Variants in SYTL5 observed in about 807,000 individuals in gnomAD.
SYTL5 encodes synaptotagmin-like protein 5.
Under a neutral mutation model 55.9 loss-of-function variants are expected in SYTL5, and 34 were observed. That is an observed-to-expected ratio of 0.61 (90% CI 0.46 to 0.81). SYTL5 has a LOEUF of 0.81. Ranked by LOEUF, SYTL5 falls within the 30% of genes least tolerant of loss-of-function variation. The pLI is 0.00. For missense variants in SYTL5, 637 were observed against 546.7 expected (o/e 1.17, Z -1.65); for synonymous variants, 221 against 188.7 (o/e 1.17, Z -1.40).
chrX:38,082,070 T>C (rs1488984156), intron 6 of SYTL5, among the ~76,000 whole-genome samples: 1 of 112,058 alleles, frequency 8.9e-6, no homozygotes, highest in African/African-American at 3.2e-5. Context: ...TTCTGTTTAC[T>C]TTATATTATG....
chrX:37,911,641 C>T, the SYTL5 span, among the ~76,000 whole-genome samples: 1 of 111,499 alleles, frequency 9.0e-6, no homozygotes, highest in African/African-American at 3.3e-5. Context: ...CTACACGAGA[C>T]CAACAGTGAG....
chrX:38,088,274 C>T (rs1936705678), intron 6 of SYTL5, among the ~76,000 whole-genome samples: 1 of 111,760 alleles, frequency 8.9e-6, no homozygotes, highest in Admixed American at 9.5e-5. Context: ...AAAAATATTC[C>T]TTTATTCTAT....
chrX:37,981,383 C>T, the SYTL5 span, among the ~76,000 whole-genome samples: 9 of 111,232 alleles, frequency 8.1e-5, no homozygotes, highest in Non-Finnish European at 1.1e-4. Flanking sequence ...GCAGCCTCAA[C>T]CTCCTGGGCC....
chrX:38,106,874 C>A, intron 11 of SYTL5, 103 bp downstream of exon 11: 1 of 684,966 alleles, frequency 1.5e-6, no homozygotes, highest in Non-Finnish European at 2.0e-6. Context: ...TTGATTCAGT[C>A]TTCTCAGAGA....
At chrX:38,050,452 T>G (rs1935591289) in intron 2 of SYTL5, among the ~76,000 whole-genome samples, 1 of 111,860 alleles carries the variant, frequency 8.9e-6, no homozygotes, top group Non-Finnish European at 1.9e-5. Context: ...TCAAGATAGT[T>G]AATCTTTTCA....
the SYTL5 span, among the ~76,000 whole-genome samples, chrX:37,896,670 C>G: frequency 9.0e-6 from 1 of 111,499 alleles, no homozygotes; most frequent in Non-Finnish European, 1.9e-5. Flanking sequence ...GACAGCCTGC[C>G]AAACACTAGA....
At chrX:38,090,670 G>T (rs935331249) in intron 7 of SYTL5, among the ~76,000 whole-genome samples, 15 of 112,136 alleles carry the variant, frequency 1.3e-4, no homozygotes, top group African/African-American at 3.9e-4. Context: ...GTCAAGCAAA[G>T]ACTTGAAGGA....
At chrX:37,940,145 C>T in the SYTL5 span, among the ~76,000 whole-genome samples, 3 of 110,462 alleles carry the variant, frequency 2.7e-5, no homozygotes, top group Non-Finnish European at 3.8e-5. Context: ...TGTGTCCACC[C>T]TATCTTAAGG....
the SYTL5 span, among the ~76,000 whole-genome samples, chrX:37,930,142 G>A: frequency 8.9e-6 from 1 of 111,985 alleles, no homozygotes; most frequent in Non-Finnish European, 1.9e-5. Context: ...CCCGTCCGCT[G>A]AGATGGTAAC....
intron 1 of SYTL5, among the ~76,000 whole-genome samples, chrX:38,011,284 T>C (rs913311958): frequency 4.4e-4 from 49 of 112,450 alleles, no homozygotes; most frequent in African/African-American, 1.6e-3. Context: ...TATTCTGTAT[T>C]TGAGCATCAA....
At chrX:38,084,366 C>T (rs1442540965) in intron 6 of SYTL5, among the ~76,000 whole-genome samples, 1 of 111,925 alleles carries the variant, frequency 8.9e-6, no homozygotes, top group Non-Finnish European at 1.9e-5. Context: ...TCCCTGAGTT[C>T]TGTGAGCCAC....
chrX:37,945,021 C>G, the SYTL5 span, among the ~76,000 whole-genome samples: 4 of 113,032 alleles, frequency 3.5e-5, no homozygotes, highest in East Asian at 8.3e-4. Flanking sequence ...CATTCTGCAA[C>G]TACTCTTAAC....
chrX:37,987,268 T>C, the SYTL5 span, among the ~76,000 whole-genome samples: 1 of 112,126 alleles, frequency 8.9e-6, no homozygotes, highest in Non-Finnish European at 1.9e-5. Context: ...CTTTTTGACA[T>C]CACAACTGGA....
At chrX:38,070,336 ACT>A (rs1358170686) in intron 3 of SYTL5, among the ~76,000 whole-genome samples, 13 of 109,494 alleles carry the variant, frequency 1.2e-4, no homozygotes, top group Non-Finnish European at 1.7e-4. Context: ...TGCCTATTTG[ACT>A]CTCAGTTGCT....
Position 38,091,121 on chromosome X carries a change from C to G in SYTL5, c.831+1534C>G, listed in dbSNP as rs142058484. Among the ~76,000 whole-genome samples, 67 of 111,715 alleles carry G rather than the reference C, an allele frequency of 6.0e-4. 1 individual carries two copies. In the East Asian group the frequency reaches 0.017, roughly 28 times the overall value. On this transcript the variant is annotated intron_variant, in intron 7 of 16. Coordinates refer to ENST00000297875, the MANE Select transcript of SYTL5 (RefSeq NM_138780.3). ...CTTTAAGCAGGATTTGGGGGCTGTG[C>G]TGAGAAGCAGCTGTAGGAGAACAAG...
intron 15 of SYTL5, 37 bp downstream of exon 15, chrX:38,122,252 T>C (rs1645826973): frequency 4.3e-6 from 5 of 1,163,121 alleles, no homozygotes; most frequent in East Asian, 6.0e-5. Flanking sequence ...TGATACTTAA[T>C]AGGAGATGAA....
the SYTL5 span, among the ~76,000 whole-genome samples, chrX:37,929,023 A>T: frequency 2.7e-5 from 3 of 112,745 alleles, no homozygotes; most frequent in Admixed American, 1.9e-4. Context: ...AGGTGAAGAC[A>T]GAATTTATCA....
chrX:38,117,590 G>A (rs1242752287), intron 13 of SYTL5, among the ~76,000 whole-genome samples: 1 of 112,090 alleles, frequency 8.9e-6, no homozygotes, highest in African/African-American at 3.2e-5. Flanking sequence ...TCTGTGGGTC[G>A]ACTAGACTCA....
chrX:37,948,764 C>T, the SYTL5 span, among the ~76,000 whole-genome samples: 1 of 111,463 alleles, frequency 9.0e-6, no homozygotes, highest in Non-Finnish European at 1.9e-5. Context: ...TCACAAATGA[C>T]AGGATTTCCT....
Sources: allele counts gnomAD v4.1 joint callset (sites outside exome capture counted in the v4.1 genomes callset), GRCh38; gene constraint gnomAD v4.1.1; transcripts MANE v1.5; gene names NCBI Gene and HGNC (gene_info 2026-07-23, HGNC 2026-07-21).